USP15: variants seen among roughly 807,000 people sequenced by gnomAD.
The protein encoded by USP15 is ubiquitin carboxyl-terminal hydrolase 15.
In USP15, 18 loss-of-function variants were observed where a neutral mutation model predicts 127.1. The ratio of observed to expected loss-of-function variants is 0.14; its 90% CI spans 0.10 to 0.21. The LOEUF (loss-of-function observed/expected upper bound fraction) is 0.21, where lower values mean the gene tolerates loss of function less well. Among genes scored for constraint, USP15 ranks in the 10% least tolerant of loss-of-function variants. The pLI is 1.00. For synonymous variants in USP15, 364 were observed against 393.7 expected, an observed-to-expected ratio of 0.92 and a Z score of 0.89; for missense variants, 805 against 1,159.9, an observed-to-expected ratio of 0.69 and a Z score of 4.44.
At chr12:62,392,445 T>C (rs372403776) in intron 18 of USP15, 58 bp downstream of exon 18, 51 of 1,244,936 alleles carry the variant, frequency 4.1e-5, no homozygotes, top group East Asian at 3.8e-4. Flanking sequence ...TTCTGAGATA[T>C]GTGCCACATC....
chr12:62,303,533 A>C lies in USP15; in HGVS notation c.348+613A>C, dbSNP rs1219905126. 3 of 152,040 alleles carry C rather than the reference A, an allele frequency of 2.0e-5. No individual in the cohort carries two copies. The East Asian group carries it at 5.8e-4, about 29-fold the overall frequency. The allele number at this position is 152,040 out of a possible 1,614,324, so 9.4% of individuals were successfully genotyped here. On this transcript the variant is annotated intron_variant, in intron 3 of 21. Transcript: ENST00000280377. ...CATGTATTTGATCATTTATTGTAGG[A>C]GGGGTGGGAGGCTGAGAAGGGACCA...
At chr12:62,307,082 T>C (rs1011790634) in intron 3 of USP15, among the ~76,000 whole-genome samples, 11 of 152,158 alleles carry the variant, frequency 7.2e-5, no homozygotes, top group African/African-American at 2.7e-4. Flanking sequence ...TTTGTGGATA[T>C]GGCTTTTGTC....
At chr12:62,374,706 ACT>A (rs1592692778) in intron 8 of USP15, among the ~76,000 whole-genome samples, 2 of 152,208 alleles carry the variant, frequency 1.3e-5, no homozygotes, top group East Asian at 1.9e-4. Context: ...CAAAATTGAG[ACT>A]CTTACATGCA....
At chr12:62,365,681 T>G (rs1245131718) in intron 8 of USP15, among the ~76,000 whole-genome samples, 2 of 152,212 alleles carry the variant, frequency 1.3e-5, no homozygotes, top group African/African-American at 2.4e-5. Flanking sequence ...TTTTTGTGGT[T>G]TTAGGTCTTA....
intron 19 of USP15, among the ~76,000 whole-genome samples, 168 bp from the exon 20 acceptor site, chr12:62,396,127 T>A (rs1012494237): frequency 2.6e-5 from 4 of 151,974 alleles, no homozygotes; most frequent in African/African-American, 9.7e-5. Flanking sequence ...TGTAAGTTAT[T>A]TGACTCATGA....
Position 62,391,304 on chromosome 12 carries a change from A to G in USP15, c.2108A>G (p.Gln703Arg). 6.2e-7 allele frequency: 1 copy of G among 1,613,648 alleles called. No homozygotes were observed. The highest frequency in any genetic ancestry group is 2.2e-5 in the East Asian group (1 of 44,816). ...GLCTEDTCKGQLTGHKKRLFT... is the reference protein window; with the variant it reads ...GLCTEDTCKGRLTGHKKRLFT... ...TGTACTGAGGATACTTGCAAAGGTCAACTCACGGGACACAAAAAACGATTG... is the reference window on the plus strand; with the variant it reads ...TGTACTGAGGATACTTGCAAAGGTCGACTCACGGGACACAAAAAACGATTG... The change falls in exon 16 of 22, where the codon CAA (glutamine) becomes CGA (arginine). Residue 703 changes from glutamine to arginine, a missense_variant. Gln to Arg is a conservative substitution (Grantham distance 43). Coordinates refer to ENST00000280377, the MANE Select transcript of USP15 (RefSeq NM_001252078.2).
Position 62,389,489 on chromosome 12 carries a change from C to T in USP15, c.1532C>T (p.Ala511Val), listed in dbSNP as rs1322499055. ...NILDLCTALS[A>V]LSGIPADKMI... ...TTAGATCTTTGTACAGCATTGTCTGCTTTGTCAGGAATACCTGCAGATAAG... is the reference window on the plus strand; with the variant it reads ...TTAGATCTTTGTACAGCATTGTCTGTTTTGTCAGGAATACCTGCAGATAAG... The change falls in exon 12 of 22, where the codon GCT becomes GTT. Residue 511 changes from alanine (A) to valine (V), a missense_variant. Physicochemically the swap from Ala to Val is moderately conservative, Grantham distance 64. Coordinates refer to ENST00000280377, the MANE Select transcript of USP15 (RefSeq NM_001252078.2). 2 of 1,613,662 alleles carry T rather than the reference C, an allele frequency of 1.2e-6. No homozygotes were observed. Among genetic ancestry groups the T allele is most frequent in the Admixed American group, 1.7e-5 (1 of 59,976 alleles).
At chr12:62,302,763 G>C (rs768254154) in intron 2 of USP15, 27 bp from the exon 3 acceptor site, 1 of 1,595,604 alleles carries the variant, frequency 6.3e-7, no homozygotes, top group Non-Finnish European at 8.6e-7. Context: ...TTAGAGTTAG[G>C]TATTGAGTTT....
At position 62,409,078 on chromosome 12, in the gene USP15, T is replaced by C. The variant is rs1425484689; in HGVS notation, c.*4703T>C. 2 of 152,108 alleles carry C rather than the reference T, an allele frequency of 1.3e-5. No homozygotes were observed. The highest frequency in any genetic ancestry group is 1.9e-4 in the East Asian group (1 of 5,194). The allele number at this position is 152,108 out of a possible 1,614,324, so 9.4% of individuals were successfully genotyped here. A position where few individuals can be genotyped will look rare whatever the true frequency, so the allele number is the denominator to read the frequency against. On this transcript the variant is annotated 3_prime_UTR_variant, in exon 22 of 22. Coordinates refer to ENST00000280377, the MANE Select transcript of USP15 (RefSeq NM_001252078.2). ...TCAAGACTTTTTTCTTCACTAATGA[T>C]GGGGTAAAGAATTTTTAAATGGATA...
At chr12:62,265,699 A>C (rs2063175962) in intron 1 of USP15, among the ~76,000 whole-genome samples, 1 of 152,160 alleles carries the variant, frequency 6.6e-6, no homozygotes, top group Admixed American at 6.5e-5. Flanking sequence ...GGTGTGCGCC[A>C]CCACACCCAG....
At chr12:62,389,066 G>A (rs1269602733) in intron 11 of USP15, among the ~76,000 whole-genome samples, 5 of 136,590 alleles carry the variant, frequency 3.7e-5, no homozygotes, top group African/African-American at 4.9e-5. Flanking sequence ...TTGAGGCTGC[G>A]GTGAGCCAAG....
Position 62,384,059 on chromosome 12 carries a change from G to A in USP15, c.1249-19G>A, listed in dbSNP as rs1229551506. ...ATTTTGTGATACCTCTTTCTAATTT[G>A]TGTCTATTATCCTTGTAGGTGGTTG... On this transcript the variant is annotated intron_variant, in intron 10 of 21. Coordinates refer to ENST00000280377, the MANE Select transcript of USP15 (RefSeq NM_001252078.2). The A allele has an allele frequency of 2.5e-6, 4 of 1,610,254 alleles. No homozygotes were observed. The African/African-American group carries it at 5.4e-5, about 22-fold the overall frequency.
intron 1 of USP15, among the ~76,000 whole-genome samples, chr12:62,269,416 T>C (rs1247857761): frequency 6.6e-6 from 1 of 151,828 alleles, no homozygotes; most frequent in Non-Finnish European, 1.5e-5. Flanking sequence ...AAATACAATA[T>C]TATGATCTTT....
rs1300755698 is a variant in USP15, at chr12:62,379,192, TAGTA to T, written c.916-2295_916-2292del. 3.1e-5 allele frequency among the ~76,000 whole-genome samples: 4 copies of T among 127,362 alleles called. No individual in the cohort carries two copies. The East Asian group carries it at 9.1e-4, about 29-fold the overall frequency. The allele number at this position is 127,362 out of a possible 152,430, so 83.6% of individuals were successfully genotyped here. On this transcript the variant is annotated intron_variant, in intron 8 of 21. Transcript: ENST00000280377. ...AGAATCTTGATGGATTTATAGAAGT[TAGTA>T]AGGCCAAAAAAAAAAAAAAAGTACA...
intron 8 of USP15, among the ~76,000 whole-genome samples, chr12:62,376,563 G>T (rs970416995): frequency 1.3e-5 from 2 of 151,962 alleles, no homozygotes; most frequent in African/African-American, 4.8e-5. Flanking sequence ...AATTAACAGG[G>T]GCATAGCTCC....
intron 11 of USP15, 96 bp from the exon 12 acceptor site, chr12:62,389,335 C>G (rs2067250961): frequency 9.8e-7 from 1 of 1,016,328 alleles, no homozygotes; most frequent in African/African-American, 1.6e-5. Flanking sequence ...AATCCAAATG[C>G]CAAATGAATG....
chr12:62,308,745 T>G (rs980100473), intron 3 of USP15, among the ~76,000 whole-genome samples: 2 of 152,164 alleles, frequency 1.3e-5, no homozygotes, highest in African/African-American at 4.8e-5. Flanking sequence ...ATATTCTGGG[T>G]TATCAAAATT....
At chr12:62,301,833 C>T (rs1221915733) in intron 2 of USP15, among the ~76,000 whole-genome samples, 4 of 151,974 alleles carry the variant, frequency 2.6e-5, no homozygotes, top group African/African-American at 4.8e-5. Flanking sequence ...TTTTGCTTTC[C>T]GTATCTGTTA....
At chr12:62,394,664 G>A (rs373351884) in intron 19 of USP15, among the ~76,000 whole-genome samples, 16 of 151,982 alleles carry the variant, frequency 1.1e-4, no homozygotes, top group South Asian at 2.1e-4. Flanking sequence ...CCTAGCCAAC[G>A]TGGTGAAACC....
Sources: allele counts gnomAD v4.1 joint callset (sites outside exome capture counted in the v4.1 genomes callset), GRCh38; gene constraint gnomAD v4.1.1; transcripts MANE v1.5; gene names NCBI Gene and HGNC (gene_info 2026-07-23, HGNC 2026-07-21).